GRM3: variants seen among roughly 807,000 people sequenced by gnomAD.
GRM3 encodes metabotropic glutamate receptor 3.
In GRM3, 26 loss-of-function variants were observed where a neutral mutation model predicts 70.5. The ratio of observed to expected loss-of-function variants is 0.37; its 90% confidence interval spans 0.27 to 0.51. The LOEUF (loss-of-function observed/expected upper bound fraction) is 0.51. Ranked by LOEUF, GRM3 falls within the 20% of genes least tolerant of loss-of-function variation. GRM3 has a pLI of 0.93. For synonymous variants in GRM3, 443 were observed against 434.9 expected (o/e 1.02, Z -0.23); for missense variants, 859 against 1,123.8 (o/e 0.76, Z 3.37).
chr7:86,703,936 C>T (rs1320038929), intron 1 of GRM3, among the ~76,000 whole-genome samples: 1 of 151,844 alleles, frequency 6.6e-6, no homozygotes, highest in Admixed American at 6.6e-5. Flanking sequence ...AATGCTGCCT[C>T]CCATTCCCCA....
At chr7:86,824,204 C>T (rs2116694666) in intron 3 of GRM3, among the ~76,000 whole-genome samples, 1 of 152,264 alleles carries the variant, frequency 6.6e-6, no homozygotes, top group Middle Eastern at 3.4e-3. Context: ...GTCAGACCTG[C>T]TGCTTCTCTG....
intron 4 of GRM3, among the ~76,000 whole-genome samples, chr7:86,849,267 G>C (rs543872923): frequency 2.2e-4 from 33 of 152,276 alleles, no homozygotes; most frequent in Admixed American, 3.9e-4. Flanking sequence ...CTTGTTTTCT[G>C]AGAATTTGAC....
Position 86,786,977 on chromosome 7 carries a change from C to T in GRM3, c.1185C>T (p.Asn395=), listed in dbSNP as rs778257949. The T allele has an allele frequency of 1.2e-6, 2 of 1,614,114 alleles. No individual in the cohort carries two copies. Among genetic ancestry groups the T allele is most frequent in the Non-Finnish European group, 1.7e-6 (2 of 1,179,978 alleles). Residue 395 remains asparagine (N), a synonymous_variant, in exon 3 of 6, where the codon AAC becomes AAT. Coordinates refer to ENST00000361669, the MANE Select transcript of GRM3 (RefSeq NM_000840.3). The surrounding 1 kb of genome is among the most constrained non-coding windows in gnomAD (Gnocchi z 6.0). ...EQESKIMFVV[N]AVYAMAHALH... ...AGTCCAAGATCATGTTTGTGGTGAA[C>T]GCGGTGTATGCCATGGCCCACGCTT...
intron 3 of GRM3, among the ~76,000 whole-genome samples, chr7:86,789,411 T>G (rs1193074896): frequency 6.6e-6 from 1 of 152,250 alleles, no homozygotes; most frequent in African/African-American, 2.4e-5. Flanking sequence ...CAGTAACCTG[T>G]ATATGACTAA....
chr7:86,728,746 T>G (rs1795651119), intron 1 of GRM3, among the ~76,000 whole-genome samples: 1 of 152,170 alleles, frequency 6.6e-6, no homozygotes, highest in Non-Finnish European at 1.5e-5. Context: ...ATATCTGATA[T>G]GTTGGTTGGG....
chr7:86,735,886 T>A (rs1795846583), intron 1 of GRM3, among the ~76,000 whole-genome samples: 1 of 152,214 alleles, frequency 6.6e-6, no homozygotes, highest in Admixed American at 6.5e-5. Context: ...TCAAATTGTA[T>A]GTCTATCCTC....
At chr7:86,656,189 CCTT>C (rs1793738366) in intron 1 of GRM3, among the ~76,000 whole-genome samples, 1 of 151,550 alleles carries the variant, frequency 6.6e-6, no homozygotes. Flanking sequence ...TTTAGCTGGT[CCTT>C]CTCTCATCCT....
At chr7:86,732,795 A>G (rs1327637407) in intron 1 of GRM3, among the ~76,000 whole-genome samples, 1 of 152,162 alleles carries the variant, frequency 6.6e-6, no homozygotes, top group Admixed American at 6.5e-5. Flanking sequence ...TAATTCTGGA[A>G]TATCATTTAT....
intron 1 of GRM3, among the ~76,000 whole-genome samples, chr7:86,655,620 G>C (rs182777254): frequency 6.6e-6 from 1 of 150,936 alleles, no homozygotes; most frequent in African/African-American, 2.4e-5. Flanking sequence ...CCCAGCAGGA[G>C]CCTCTTTCAA....
At position 86,811,311 on chromosome 7, in the gene GRM3, TAAAG is replaced by T. The variant is rs370390644; in HGVS notation, c.1324+24197_1324+24200del. On this transcript the variant is annotated intron_variant, in intron 3 of 5. Coordinates refer to ENST00000361669, the MANE Select transcript of GRM3 (RefSeq NM_000840.3). ...ACATTTTTTTTTCAGATTGCTAATA[TAAAG>T]AGTCAACTTTTGAACCTTAAGCCAT... 5.3e-3 allele frequency among the ~76,000 whole-genome samples: 798 copies of T among 151,942 alleles called. 6 individuals carry two copies. The highest frequency in any genetic ancestry group is 0.019 in the African/African-American group (772 of 41,504).
intron 3 of GRM3, among the ~76,000 whole-genome samples, chr7:86,808,851 T>C (rs1797851687): frequency 6.6e-6 from 1 of 152,006 alleles, no homozygotes; most frequent in African/African-American, 2.4e-5. Context: ...AAGAGACCAG[T>C]GTGGCTAGAT....
At chr7:86,708,104 C>A (rs1795101315) in intron 1 of GRM3, among the ~76,000 whole-genome samples, 1 of 152,100 alleles carries the variant, frequency 6.6e-6, no homozygotes, top group South Asian at 2.1e-4. Context: ...GGCTCTAGAG[C>A]CTACACTCTT....
intron 1 of GRM3, among the ~76,000 whole-genome samples, chr7:86,663,995 T>G (rs1793962289): frequency 6.6e-6 from 1 of 151,902 alleles, no homozygotes; most frequent in Admixed American, 6.6e-5. Flanking sequence ...AAAGGAGAGA[T>G]AATGGCACCT....
chr7:86,680,168 A>C (rs917232604), intron 1 of GRM3, among the ~76,000 whole-genome samples: 1 of 152,178 alleles, frequency 6.6e-6, no homozygotes, highest in Non-Finnish European at 1.5e-5. Context: ...ATGAGCAATC[A>C]TGATAAAGCG....
At chr7:86,693,035 A>G (rs1794729621) in intron 1 of GRM3, among the ~76,000 whole-genome samples, 1 of 152,174 alleles carries the variant, frequency 6.6e-6, no homozygotes, top group Non-Finnish European at 1.5e-5. Context: ...AGGTCCAGAT[A>G]GGTGGATTTT....
Position 86,765,091 on chromosome 7 carries a change from G to T in GRM3, c.-55G>T, listed in dbSNP as rs370946159. 2.0e-6 allele frequency: 3 copies of T among 1,519,302 alleles called. No individual in the cohort carries two copies. The highest frequency in any genetic ancestry group is 2.6e-6 in the Non-Finnish European group (3 of 1,141,312). 94.1% of individuals were successfully genotyped at this position (1,519,302 alleles called of 1,614,324 possible). ...CCAGTTTGGAAATGAGAGAGGACTAGCATGACACATTGGCTCCACCATTGA... is the reference window on the plus strand; with the variant it reads ...CCAGTTTGGAAATGAGAGAGGACTATCATGACACATTGGCTCCACCATTGA... On this transcript the variant is annotated 5_prime_UTR_variant, in exon 2 of 6. It removes the in-frame stop codon of an upstream open reading frame in the 5' UTR. Transcript: ENST00000361669.
At chr7:86,711,933 C>T (rs542719386) in intron 1 of GRM3, among the ~76,000 whole-genome samples, 18 of 152,176 alleles carry the variant, frequency 1.2e-4, no homozygotes, top group Admixed American at 7.2e-4. Context: ...CAATTCCAAA[C>T]CTCTGGACAT....
At chr7:86,834,525 C>A (rs1280422032) in intron 3 of GRM3, among the ~76,000 whole-genome samples, 2 of 151,730 alleles carry the variant, frequency 1.3e-5, no homozygotes, top group African/African-American at 4.8e-5. Flanking sequence ...TCACTTATCT[C>A]TCTTGAGCAT....
At chr7:86,689,465 G>T (rs1015084601) in intron 1 of GRM3, among the ~76,000 whole-genome samples, 2 of 152,046 alleles carry the variant, frequency 1.3e-5, no homozygotes, top group Non-Finnish European at 2.9e-5. Context: ...AATTCCTAAT[G>T]TAAAAAGGAA....
Sources: gnomAD v4.1 joint callset for allele counts (sites outside exome capture counted in the v4.1 genomes callset) on GRCh38, gnomAD v4.1.1 for gene constraint, Gnocchi (gnomAD v3.1) non-coding constraint, MANE v1.5 for transcripts, NCBI Gene and HGNC (gene_info 2026-07-23, HGNC 2026-07-21) for gene names.